Variants in SNRNP40 observed in about 807,000 individuals in gnomAD.
The protein encoded by SNRNP40 is U5 small nuclear ribonucleoprotein 40 kDa protein.
A neutral mutation model predicts 45.8 loss-of-function variants in SNRNP40; 21 were observed. The observed-to-expected ratio is 0.46, with a 90% CI of 0.32 to 0.66. SNRNP40 has a LOEUF of 0.66. SNRNP40 is among the 30% of genes least tolerant of loss of function. SNRNP40 has a pLI of 0.03. For synonymous variants in SNRNP40, 142 were observed against 163.8 expected (o/e 0.87, Z 1.01); for missense variants, 344 against 439.1 (o/e 0.78, Z 1.94).
chr1:31,259,613 T>C lies in SNRNP40; in HGVS notation c.*459A>G. Reference sequence around the variant, plus strand: ...TATTCTGTGGCCACATCATGCTCTATTCTGATTTATAGCAATCAAGCCTCA... The same window carrying C: ...TATTCTGTGGCCACATCATGCTCTACTCTGATTTATAGCAATCAAGCCTCA... On this transcript the variant is annotated 3_prime_UTR_variant, in exon 10 of 10. Coordinates refer to ENST00000263694, the MANE Select transcript of SNRNP40 (RefSeq NM_004814.3). The C allele has an allele frequency of 5.2e-6, 2 of 382,030 alleles. No homozygotes were observed. The highest frequency in any genetic ancestry group is 5.0e-6 in the Non-Finnish European group (1 of 199,636). 23.7% of individuals were successfully genotyped at this position (382,030 alleles called of 1,614,324 possible). A position where few individuals can be genotyped will look rare whatever the true frequency, so the allele number is the denominator to read the frequency against.
chr1:31,259,952 T>A lies in SNRNP40; in HGVS notation c.*120A>T. ...TTGGAATATGGCCACCGCCTCCTGT[T>A]TCTTGCTAGCAATGGTCATCTGAAG... On this transcript the variant is annotated 3_prime_UTR_variant, in exon 10 of 10. Transcript: ENST00000263694. The A allele has an allele frequency of 1.3e-6, 1 of 796,478 alleles. No individual in the cohort carries two copies. Among genetic ancestry groups the A allele is most frequent in the East Asian group, 2.5e-5 (1 of 39,536 alleles). The allele number at this position is 796,478 out of a possible 1,614,324, so 49.3% of individuals were successfully genotyped here. A position where few individuals can be genotyped will look rare whatever the true frequency, so the allele number is the denominator to read the frequency against.
chr1:31,292,602 T>C (rs1476615726), intron 2 of SNRNP40, among the ~76,000 whole-genome samples: 1 of 152,236 alleles, frequency 6.6e-6, no homozygotes, highest in Non-Finnish European at 1.5e-5. Flanking sequence ...ACTCATTTCA[T>C]CTCATAATCT....
intron 4 of SNRNP40, among the ~76,000 whole-genome samples, chr1:31,288,667 C>CTTTCTTTTTTTTT: frequency 8.5e-6 from 1 of 117,180 alleles, no homozygotes; most frequent in African/African-American, 3.5e-5. Flanking sequence ...TCAGAACAGC[C>CTTTCTTTTTTTTT]TTTTTTTTTT....
intron 5 of SNRNP40, among the ~76,000 whole-genome samples, chr1:31,274,438 T>C (rs191516926): frequency 2.7e-4 from 41 of 152,142 alleles, no homozygotes; most frequent in African/African-American, 9.6e-4. Flanking sequence ...GGTTTCACCA[T>C]GTTGGCCATG....
At position 31,260,109 on chromosome 1, in the gene SNRNP40, G is replaced by T; in HGVS notation, c.1037C>A (p.Ser346Ter). 1 of 1,599,086 alleles carries T rather than the reference G, an allele frequency of 6.3e-7. No homozygotes were observed. Among genetic ancestry groups the T allele is most frequent in the Non-Finnish European group, 8.5e-7 (1 of 1,172,142 alleles). ...HPDEPIIISA[S>*]SDKRLYMGEI... is the part of the protein sequence containing the mutation. Reference sequence around the variant, plus strand: ...TCCCATATACAGTCTCTTGTCACTCGATGCTGAGATAACTGAGGTAAAAAG... The same window carrying T: ...TCCCATATACAGTCTCTTGTCACTCTATGCTGAGATAACTGAGGTAAAAAG... The change falls in exon 10 of 10, where the codon TCG becomes TAG. Residue 346 changes from serine (S) to a stop codon, truncating the protein, a stop_gained. Transcript: ENST00000263694. LOFTEE classifies it high-confidence loss of function.
rs1485327782 is a variant in SNRNP40, at chr1:31,266,034, C to T, written c.920+1837G>A. 2.0e-5 allele frequency among the ~76,000 whole-genome samples: 3 copies of T among 152,206 alleles called. No homozygotes were observed. The East Asian group carries it at 5.8e-4, about 29-fold the overall frequency. ...GGCAGCTCTCTAAACCACTTGCACT[C>T]AAATGATCAATGTGACACTTTCACC... On this transcript the variant is annotated intron_variant, in intron 8 of 9. Transcript: ENST00000263694.
chr1:31,272,190 T>C (rs907200786), intron 5 of SNRNP40, among the ~76,000 whole-genome samples: 8 of 152,196 alleles, frequency 5.3e-5, no homozygotes, highest in African/African-American at 1.7e-4. Context: ...TACATGTTTG[T>C]GTAACAATAT....
intron 8 of SNRNP40, chr1:31,263,496 G>A (rs1645875694): frequency 2.9e-6 from 1 of 339,634 alleles, no homozygotes; most frequent in Non-Finnish European, 5.6e-6. Flanking sequence ...CAATCTGTAT[G>A]TATTTAGAGA....
chr1:31,287,697 C>T (rs1646069529), intron 4 of SNRNP40, among the ~76,000 whole-genome samples: 1 of 152,082 alleles, frequency 6.6e-6, no homozygotes, highest in South Asian at 2.1e-4. Context: ...ATAAGAAAAC[C>T]ACTCAGTAGA....
At chr1:31,270,238 G>T (rs1372720624) in intron 6 of SNRNP40, among the ~76,000 whole-genome samples, 8 of 152,108 alleles carry the variant, frequency 5.3e-5, no homozygotes, top group Non-Finnish European at 1.2e-4. Flanking sequence ...CAAAAATAAA[G>T]AATTTGTAAT....
chr1:31,260,262 A>G lies in SNRNP40; in HGVS notation c.1025-141T>C. The G allele has an allele frequency of 7.1e-6, 4 of 560,016 alleles. No individual in the cohort carries two copies. In the South Asian group the frequency reaches 1.1e-4, roughly 15 times the overall value. The allele number at this position is 560,016 out of a possible 1,614,324, so 34.7% of individuals were successfully genotyped here. A position where few individuals can be genotyped will look rare whatever the true frequency, so the allele number is the denominator to read the frequency against. ...AATTCCCCTCCTAAACACCATCCAC[A>G]GGAAATTGTAGCCTGGCTTTTCAAT... is the stretch of plus-strand genomic sequence containing the variant. On this transcript the variant is annotated intron_variant, in intron 9 of 9. Transcript: ENST00000263694.
chr1:31,295,918 C>T (rs1296960084), intron 1 of SNRNP40, among the ~76,000 whole-genome samples: 2 of 152,198 alleles, frequency 1.3e-5, no homozygotes, highest in Non-Finnish European at 2.9e-5. Context: ...TGAGGACACT[C>T]GTATTTCCTC....
rs547292316 is a variant in SNRNP40, at chr1:31,281,148, A to C, written c.654+226T>G. Among the ~76,000 whole-genome samples, 15 of 152,332 alleles carry C rather than the reference A, an allele frequency of 9.8e-5. No homozygotes were observed. The East Asian group carries it at 2.1e-3, about 22-fold the overall frequency. On this transcript the variant is annotated intron_variant, in intron 5 of 9. Transcript: ENST00000263694. ...CATAGTCCCCCTACAGAGACTTCAC[A>C]CTTCACATTAAGTGCCTGGTCCCTG...
intron 5 of SNRNP40, among the ~76,000 whole-genome samples, chr1:31,275,876 T>C (rs988605628): frequency 4.6e-5 from 7 of 152,206 alleles, no homozygotes; most frequent in African/African-American, 1.7e-4. Context: ...ATCCCAAATA[T>C]GAAACATCCT....
At chr1:31,273,367 A>G (rs1645952134) in intron 5 of SNRNP40, among the ~76,000 whole-genome samples, 1 of 151,928 alleles carries the variant, frequency 6.6e-6, no homozygotes, top group African/African-American at 2.4e-5. Flanking sequence ...AATCTACAGC[A>G]GGGGTGGCTC....
At chr1:31,286,624 C>T (rs768161074) in intron 4 of SNRNP40, among the ~76,000 whole-genome samples, 7 of 152,160 alleles carry the variant, frequency 4.6e-5, no homozygotes, top group African/African-American at 1.4e-4. Context: ...CATCCACATT[C>T]TCCCCGTACT....
rs970851311 is a variant in SNRNP40 at position 31,260,050 on chromosome 1, T to C, written c.*22A>G. On this transcript the variant is annotated 3_prime_UTR_variant, in exon 10 of 10. Coordinates refer to ENST00000263694, the MANE Select transcript of SNRNP40 (RefSeq NM_004814.3). ...CTGAGGTCTCAAAGACAAGCGGCCT[T>C]GGAGTCTTCCAGTCCATATCTTCAC... 6.3e-7 allele frequency: 1 copy of C among 1,590,758 alleles called. No homozygotes were observed. The highest frequency in any genetic ancestry group is 8.6e-7 in the Non-Finnish European group (1 of 1,158,832).
intron 3 of SNRNP40, among the ~76,000 whole-genome samples, chr1:31,290,143 G>A (rs909909434): frequency 1.3e-5 from 2 of 152,172 alleles, no homozygotes; most frequent in Non-Finnish European, 2.9e-5. Flanking sequence ...ATAGGCGTAA[G>A]CAACCACGCC....
In SNRNP40 at chr1:31,260,051, G is replaced by A. The variant is rs759190616; in HGVS notation, c.*21C>T. 6.3e-7 allele frequency: 1 copy of A among 1,589,606 alleles called. No individual in the cohort carries two copies. Among genetic ancestry groups the A allele is most frequent in the African/African-American group, 1.3e-5 (1 of 74,472 alleles). On this transcript the variant is annotated 3_prime_UTR_variant, in exon 10 of 10. Transcript: ENST00000263694. ...TGAGGTCTCAAAGACAAGCGGCCTTGGAGTCTTCCAGTCCATATCTTCACT... is the reference window on the plus strand; with the variant it reads ...TGAGGTCTCAAAGACAAGCGGCCTTAGAGTCTTCCAGTCCATATCTTCACT...
Sources: gnomAD v4.1 joint callset for allele counts (sites outside exome capture counted in the v4.1 genomes callset) on GRCh38, gnomAD v4.1.1 for gene constraint, MANE v1.5 for transcripts, NCBI Gene and HGNC (gene_info 2026-07-23, HGNC 2026-07-21) for gene names.